Variants in CA7 observed in about 807,000 individuals in gnomAD.
The protein encoded by CA7 is carbonate dehydratase VII.
CA7 carries 13 observed loss-of-function variants against 31.4 expected under a neutral mutation model. The observed-to-expected ratio is 0.41, with a 90% CI of 0.27 to 0.66. CA7 has a LOEUF of 0.66. CA7 is among the 30% of genes least tolerant of loss of function. The pLI, the probability that CA7 is intolerant of heterozygous loss-of-function variation, is 0.28. For missense variants in CA7, 215 were observed against 351.0 expected, an observed-to-expected ratio of 0.61 and a Z score of 3.10; for synonymous variants, 128 against 133.2, an observed-to-expected ratio of 0.96 and a Z score of 0.27.
chr16:66,852,615 A>C (rs542048579), intron 5 of CA7, 97 bp from the exon 6 acceptor site: 206 of 824,918 alleles, frequency 2.5e-4, no homozygotes, highest in Non-Finnish European at 3.0e-4. Context: ...AAGAAAAAAG[A>C]AAAGAAAAAA....
chr16:66,846,485 C>T (rs1006458858), intron 1 of CA7, among the ~76,000 whole-genome samples: 2 of 152,186 alleles, frequency 1.3e-5, no homozygotes, highest in African/African-American at 2.4e-5. Flanking sequence ...AGTACATATG[C>T]ATGCACACAT....
chr16:66,844,472 CG>C lies in CA7; in HGVS notation c.-12del. The C allele has an allele frequency of 6.5e-7, 1 of 1,539,032 alleles. No homozygotes were observed. The highest frequency in any genetic ancestry group is 8.8e-7 in the Non-Finnish European group (1 of 1,142,296). On this transcript the variant is annotated 5_prime_UTR_variant, in exon 1 of 7. Coordinates refer to ENST00000338437, the MANE Select transcript of CA7 (RefSeq NM_005182.3). ...AGCCGACCGGGCAGGTGCACGGCTGCGGGGACGGCAGCGGCATGACCGGCCA... is the reference window on the plus strand; with the variant it reads ...AGCCGACCGGGCAGGTGCACGGCTGCGGGACGGCAGCGGCATGACCGGCCA...
intron 3 of CA7, 151 bp from the exon 4 acceptor site, chr16:66,851,312 C>T (rs1383623576): frequency 1.4e-6 from 1 of 737,856 alleles, no homozygotes; most frequent in Non-Finnish European, 2.4e-6. Context: ...CTGGGGCTCC[C>T]CTGGACCCCC....
chr16:66,852,189 A>G (rs367970958), intron 5 of CA7, among the ~76,000 whole-genome samples: 145 of 152,316 alleles, frequency 9.5e-4, no homozygotes, highest in African/African-American at 3.2e-3. Flanking sequence ...AATGCCGGGC[A>G]TGGTGGCTCA....
rs750740487 is a variant in CA7, at chr16:66,847,160, G to T, written c.171G>T (p.Met57Ile). The change falls in exon 2 of 7, where the codon ATG becomes ATT. Residue 57 changes from methionine (M) to isoleucine (I), a missense_variant. By Grantham distance (10) the Met-to-Ile change is conservative (BLOSUM62 1). Transcript: ENST00000338437. Reference sequence around the variant, plus strand: ...TGGAGCTTTCCTATGAGGCCTGCATGTCCCTCAGCATCACCAACAATGGCC... The same window carrying T: ...TGGAGCTTTCCTATGAGGCCTGCATTTCCCTCAGCATCACCAACAATGGCC... ...QPLELSYEAC[M>I]SLSITNNGHS... 7 of 1,614,180 alleles carry T rather than the reference G, an allele frequency of 4.3e-6. No individual in the cohort carries two copies. The highest frequency in any genetic ancestry group is 1.6e-4 in the Middle Eastern group (1 of 6,062).
rs756882271 is a variant in CA7, at chr16:66,853,522, A to T, written c.*24A>T. ...GAGCTGCCCATCTGCCTAGCCGGCC[A>T]CTAGGGCACCATCTTCTCAAGGGCT... On this transcript the variant is annotated 3_prime_UTR_variant, in exon 7 of 7. Coordinates refer to ENST00000338437, the MANE Select transcript of CA7 (RefSeq NM_005182.3). This position sits in a 1 kb window ranked among gnomAD's most constrained non-coding sequence, Gnocchi z 4.5. The T allele has an allele frequency of 6.2e-7, 1 of 1,612,960 alleles. No homozygotes were observed. Among genetic ancestry groups the T allele is most frequent in the Non-Finnish European group, 8.5e-7 (1 of 1,179,750 alleles).
chr16:66,850,590 C>T lies in CA7; in HGVS notation c.288C>T (p.His96=). 1 of 1,614,146 alleles carries T rather than the reference C, an allele frequency of 6.2e-7. No individual in the cohort carries two copies. The highest frequency in any genetic ancestry group is 8.5e-7 in the Non-Finnish European group (1 of 1,179,980). The change falls in exon 3 of 7, where the codon CAC becomes CAT. Residue 96 remains histidine, a synonymous_variant. Transcript: ENST00000338437. ...LEGPYRLKQF[H]FHWGKKHDVG... is the part of the protein sequence containing the mutation. Reference sequence around the variant, plus strand: ...GGCCCTACCGCCTCAAGCAGTTTCACTTCCACTGGGGCAAGAAGCACGATG... The same window carrying T: ...GGCCCTACCGCCTCAAGCAGTTTCATTTCCACTGGGGCAAGAAGCACGATG...
In CA7 at chr16:66,853,571, A is replaced by C; in HGVS notation, c.*73A>C. On this transcript the variant is annotated 3_prime_UTR_variant, in exon 7 of 7. Coordinates refer to ENST00000338437, the MANE Select transcript of CA7 (RefSeq NM_005182.3). This position sits in a 1 kb window ranked among gnomAD's most constrained non-coding sequence, Gnocchi z 4.5. ...CTTCCATGTCAGCAGACACCAAACC[A>C]TCTGAGGCTTCCTCCCTGGGGGGTG... The C allele has an allele frequency of 6.3e-7, 1 of 1,585,294 alleles. No individual in the cohort carries two copies. The highest frequency in any genetic ancestry group is 8.6e-7 in the Non-Finnish European group (1 of 1,165,240).
Position 66,850,584 on chromosome 16 carries a change from G to A in CA7, c.282G>A (p.Gln94=). The change falls in exon 3 of 7, where the codon CAG becomes CAA. Residue 94 remains glutamine, a synonymous_variant. Transcript: ENST00000338437. The stretch of plus-strand genomic sequence containing the variant: ...TGGAAGGGCCCTACCGCCTCAAGCA[G>A]TTTCACTTCCACTGGGGCAAGAAGC... The part of the protein sequence containing the change: ...GPLEGPYRLK[Q]FHFHWGKKHD... 6.2e-7 allele frequency: 1 copy of A among 1,614,132 alleles called. No individual in the cohort carries two copies. Among genetic ancestry groups the A allele is most frequent in the Non-Finnish European group, 8.5e-7 (1 of 1,179,976 alleles).
At chr16:66,844,573 C>T in intron 1 of CA7, 46 bp downstream of exon 1, 11 of 1,479,120 alleles carry the variant, frequency 7.4e-6, no homozygotes, top group Non-Finnish European at 1.0e-5. Flanking sequence ...ACCCCCGACC[C>T]AACTGCACTC....
Position 66,847,153 on chromosome 16 carries a change from C to T in CA7, c.164C>T (p.Ala55Val), listed in dbSNP as rs762529587. 3.7e-6 allele frequency: 6 copies of T among 1,614,112 alleles called. No individual in the cohort carries two copies. Among genetic ancestry groups the T allele is most frequent in the Non-Finnish European group, 5.1e-6 (6 of 1,180,040 alleles). Reference sequence around the variant, plus strand: ...CAACCACTGGAGCTTTCCTATGAGGCCTGCATGTCCCTCAGCATCACCAAC... The same window carrying T: ...CAACCACTGGAGCTTTCCTATGAGGTCTGCATGTCCCTCAGCATCACCAAC... ...SLQPLELSYE[A>V]CMSLSITNNG... Residue 55 changes from alanine (A) to valine (V), a missense_variant, in exon 2 of 7, where the codon GCC becomes GTC. Transcript: ENST00000338437.
At chr16:66,844,837 T>A in intron 1 of CA7, 1 of 955,322 alleles carries the variant, frequency 1.0e-6, no homozygotes, top group East Asian at 4.3e-5. Flanking sequence ...TCTCACTCAC[T>A]CGCCCCGGGC....
chr16:66,851,399 G>A, intron 3 of CA7, 64 bp from the exon 4 acceptor site: 2 of 1,330,934 alleles, frequency 1.5e-6, no homozygotes, highest in Non-Finnish European at 2.2e-6. Context: ...AGTGAGGGGA[G>A]CCTGGCTCAG....
In CA7 at chr16:66,850,638, C is replaced by T. The variant is rs372909686; in HGVS notation, c.336C>T (p.Asp112=). 8.0e-5 allele frequency: 129 copies of T among 1,612,560 alleles called. 1 individual carries two copies. Among genetic ancestry groups the T allele is most frequent in the South Asian group, 5.4e-4 (49 of 91,032 alleles). The change falls in exon 3 of 7, where the codon GAC becomes GAT. Residue 112 remains aspartate, a synonymous_variant. Coordinates refer to ENST00000338437, the MANE Select transcript of CA7 (RefSeq NM_005182.3). ...KHDVGSEHTV[D]GKSFPSELHL... ...ATGTGGGTTCTGAGCACACGGTGGA[C>T]GGCAAGTCCTTCCCCAGCGAGGTAC...
chr16:66,846,174 G>GGT (rs4000639), intron 1 of CA7, among the ~76,000 whole-genome samples: 11,119 of 147,120 alleles, frequency 0.076, 440 homozygotes, highest in African/African-American at 0.11. Context: ...TGTGTATGCA[G>GGT]GTGTGTGTGT....
chr16:66,846,447 C>A (rs1054787728), intron 1 of CA7, among the ~76,000 whole-genome samples: 1 of 152,144 alleles, frequency 6.6e-6, no homozygotes, highest in African/African-American at 2.4e-5. Context: ...CAGCTGGGGG[C>A]AGTGCATGCA....
chr16:66,849,216 G>A (rs185042), intron 2 of CA7, among the ~76,000 whole-genome samples: 85,354 of 151,990 alleles, frequency 0.56, 26,047 homozygotes, highest in African/African-American at 0.81. Flanking sequence ...CTCACTGGGT[G>A]TCAAGGCAAG....
Position 66,847,034 on chromosome 16 carries a change from C to T in CA7, c.45C>T (p.Pro15=), listed in dbSNP as rs1213425798. ...HGWGYGQDDG[P]SHWHKLYPIA... ...TGCCCTCCTCCCCACCTGCAGGCCCCTCGCATTGGCACAAGCTGTATCCCA... is the reference window on the plus strand; with the variant it reads ...TGCCCTCCTCCCCACCTGCAGGCCCTTCGCATTGGCACAAGCTGTATCCCA... Residue 15 remains proline (P), a synonymous_variant, in exon 2 of 7, where the codon CCC becomes CCT. Coordinates refer to ENST00000338437, the MANE Select transcript of CA7 (RefSeq NM_005182.3). The T allele has an allele frequency of 6.2e-7, 1 of 1,614,152 alleles. No individual in the cohort carries two copies. Among genetic ancestry groups the T allele is most frequent in the South Asian group, 1.1e-5 (1 of 91,066 alleles).
At position 66,847,187 on chromosome 16, in the gene CA7, C is replaced by T. The variant is rs149281889; in HGVS notation, c.198C>T (p.His66=). The T allele has an allele frequency of 3.0e-3, 4,900 of 1,614,242 alleles. 7 individuals are homozygous for T. Among genetic ancestry groups the T allele is most frequent in the Non-Finnish European group, 3.9e-3 (4,603 of 1,180,034 alleles). Residue 66 remains histidine, a synonymous_variant, in exon 2 of 7, where the codon CAC becomes CAT. Coordinates refer to ENST00000338437, the MANE Select transcript of CA7 (RefSeq NM_005182.3). ...CCCTCAGCATCACCAACAATGGCCA[C>T]TCTGTCCAGGTAGACTTCAATGACA... is the stretch of plus-strand genomic sequence containing the variant. ...CMSLSITNNG[H]SVQVDFNDSD...
Sources: gnomAD v4.1 joint callset for allele counts (sites outside exome capture counted in the v4.1 genomes callset) on GRCh38, gnomAD v4.1.1 for gene constraint, Gnocchi (gnomAD v3.1) non-coding constraint, MANE v1.5 for transcripts, NCBI Gene and HGNC (gene_info 2026-07-23, HGNC 2026-07-21) for gene names.